CAMTA1: variants seen among roughly 807,000 people sequenced by gnomAD.
CAMTA1 encodes the protein calmodulin-binding transcription activator 1.
A neutral mutation model predicts 170.9 loss-of-function variants in CAMTA1; 27 were observed. That is an observed-to-expected ratio of 0.16 (90% CI 0.12 to 0.22). The LOEUF (loss-of-function observed/expected upper bound fraction) is 0.22. Among genes scored for constraint, CAMTA1 ranks in the 10% least tolerant of loss-of-function variants. The pLI is 1.00. For missense variants in CAMTA1, 1,619 were observed against 2,217.2 expected, an observed-to-expected ratio of 0.73 and a Z score of 5.42; for synonymous variants, 833 against 891.5, an observed-to-expected ratio of 0.93 and a Z score of 1.17.
In CAMTA1 at chr1:7,482,508, T is replaced by G. The variant is rs1375146857; in HGVS notation, c.510+14607T>G. The stretch of plus-strand genomic sequence containing the variant: ...GTGTCCCCACCTCCCTCCATCCTCC[T>G]GAAGAGGGAGAAGACATGCTCTTTA... On this transcript the variant is annotated intron_variant, in intron 6 of 22. Transcript: ENST00000303635. The surrounding 1 kb of genome is among the most constrained non-coding windows in gnomAD (Gnocchi z 4.2). Among the ~76,000 whole-genome samples the G allele has an allele frequency of 6.6e-6, 1 of 152,148 alleles. No individual in the cohort carries two copies. The highest frequency in any genetic ancestry group is 1.5e-5 in the Non-Finnish European group (1 of 68,028).
chr1:7,699,417 CATG>C (rs1288912407), intron 11 of CAMTA1, among the ~76,000 whole-genome samples: 6 of 152,172 alleles, frequency 3.9e-5, no homozygotes, highest in African/African-American at 1.4e-4. Context: ...TTGCACTTAG[CATG>C]ATGTTTTTAA....
At chr1:7,496,500 A>G (rs1044414904) in intron 6 of CAMTA1, among the ~76,000 whole-genome samples, 3 of 152,292 alleles carry the variant, frequency 2.0e-5, no homozygotes, top group African/African-American at 7.2e-5. Flanking sequence ...CCTGCAGCAG[A>G]CAGGGCGGAC....
rs149883773 is a variant in CAMTA1, at chr1:6,887,930, C to T, written c.234+62720C>T. On this transcript the variant is annotated intron_variant, in intron 3 of 22. Transcript: ENST00000303635. This position sits in a 1 kb window ranked among gnomAD's most constrained non-coding sequence, Gnocchi z 4.1. ...AGTTATTACGAAGGAGCTCCGCAGC[C>T]TGACTGAGCTCTGGAGAGCAGGGCT... 85 of 1,327,270 alleles carry T rather than the reference C, an allele frequency of 6.4e-5. 1 individual carries two copies. In the East Asian group the frequency reaches 2.4e-3, roughly 38 times the overall value. The allele number at this position is 1,327,270 out of a possible 1,614,324, so 82.2% of individuals were successfully genotyped here.
intron 5 of CAMTA1, among the ~76,000 whole-genome samples, chr1:7,344,825 GC>G (rs2149835703): frequency 6.7e-6 from 1 of 150,010 alleles, no homozygotes; most frequent in African/African-American, 2.5e-5. Flanking sequence ...TTGGCTCACT[GC>G]AAGCTCTGCC....
intron 7 of CAMTA1, among the ~76,000 whole-genome samples, chr1:7,655,372 CTA>C (rs1281567398): frequency 1.4e-5 from 2 of 147,396 alleles, no homozygotes; most frequent in African/African-American, 5.1e-5. Context: ...ACACACCCAC[CTA>C]TACACACACA....
rs942981682 is a variant in CAMTA1 at position 6,860,747 on chromosome 1, C to T, written c.234+35537C>T. 4.6e-5 allele frequency among the ~76,000 whole-genome samples: 7 copies of T among 152,042 alleles called. No homozygotes were observed. The South Asian group carries it at 1.0e-3, about 23-fold the overall frequency. ...CCAACATGGTGAAACCCCATCTCTA[C>T]TAAAAATACAAAAAATTAGCCTGGC... is the stretch of plus-strand genomic sequence containing the variant. On this transcript the variant is annotated intron_variant, in intron 3 of 22. Coordinates refer to ENST00000303635, the MANE Select transcript of CAMTA1 (RefSeq NM_015215.4).
In CAMTA1 at chr1:7,371,579, G is replaced by A. The variant is rs966698821; in HGVS notation, c.439-96251G>A. On this transcript the variant is annotated intron_variant, in intron 5 of 22. Coordinates refer to ENST00000303635, the MANE Select transcript of CAMTA1 (RefSeq NM_015215.4). ...CCAGCCACACTCCATGTTTTCTATC[G>A]CCCTGTCTGTATTTCAGAGTTTCCT... is the stretch of plus-strand genomic sequence containing the variant. Among the ~76,000 whole-genome samples the A allele has an allele frequency of 5.9e-5, 9 of 152,088 alleles. No homozygotes were observed. In the South Asian group the frequency reaches 8.3e-4, roughly 14 times the overall value.
At chr1:7,651,990 AAGAC>A (rs1243850511) in intron 7 of CAMTA1, among the ~76,000 whole-genome samples, 1 of 152,160 alleles carries the variant, frequency 6.6e-6, no homozygotes, top group Non-Finnish European at 1.5e-5. Context: ...TCAGGAATGA[AAGAC>A]AGCCAAGACG....
chr1:6,829,535 A>G (rs538759282), intron 3 of CAMTA1, among the ~76,000 whole-genome samples: 3 of 152,332 alleles, frequency 2.0e-5, no homozygotes, highest in African/African-American at 4.8e-5. Context: ...TGCACTAATT[A>G]TGGAAGCCAG....
chr1:7,009,600 C>T (rs571631285), intron 3 of CAMTA1, among the ~76,000 whole-genome samples: 3 of 152,350 alleles, frequency 2.0e-5, no homozygotes, highest in African/African-American at 4.8e-5. Context: ...AAGGGGCAAG[C>T]ATCACACTGC....
intron 11 of CAMTA1, among the ~76,000 whole-genome samples, chr1:7,683,454 C>T (rs760089595): frequency 6.6e-6 from 1 of 152,102 alleles, no homozygotes; most frequent in Non-Finnish European, 1.5e-5. Flanking sequence ...GAAGCCCCCA[C>T]CTACCCTCTC....
At chr1:6,837,274 C>A (rs1434555083) in intron 3 of CAMTA1, among the ~76,000 whole-genome samples, 1 of 151,982 alleles carries the variant, frequency 6.6e-6, no homozygotes, top group Non-Finnish European at 1.5e-5. Flanking sequence ...CTTTTAAGAT[C>A]GCTGTAGGAA....
chr1:7,010,850 C>T lies in CAMTA1; in HGVS notation c.235-80454C>T, dbSNP rs942877012. 9.2e-5 allele frequency among the ~76,000 whole-genome samples: 14 copies of T among 152,268 alleles called. No individual in the cohort carries two copies. Among genetic ancestry groups the T allele is most frequent in the Middle Eastern group, 3.4e-3 (1 of 294 alleles). Reference sequence around the variant, plus strand: ...GCAGAACCCTCTGGAGTGGAGCAAGCGATGGGAAATGCTCTTATCAGGCAC... The same window carrying T: ...GCAGAACCCTCTGGAGTGGAGCAAGTGATGGGAAATGCTCTTATCAGGCAC... On this transcript the variant is annotated intron_variant, in intron 3 of 22. Coordinates refer to ENST00000303635, the MANE Select transcript of CAMTA1 (RefSeq NM_015215.4). The surrounding 1 kb of genome is among the most constrained non-coding windows in gnomAD (Gnocchi z 4.4).
intron 2 of CAMTA1, among the ~76,000 whole-genome samples, chr1:6,820,885 C>T (rs916226076): frequency 6.6e-6 from 1 of 152,142 alleles, no homozygotes; most frequent in African/African-American, 2.4e-5. Flanking sequence ...TCCCAAAACC[C>T]AAATTGAAGT....
intron 11 of CAMTA1, among the ~76,000 whole-genome samples, chr1:7,690,745 CCT>C (rs2096301409): frequency 6.6e-6 from 1 of 152,230 alleles, no homozygotes; most frequent in Non-Finnish European, 1.5e-5. Context: ...CCGTGAGGCC[CCT>C]GTTCCACAGA....
In CAMTA1 at chr1:7,591,669, A is replaced by C. The variant is rs535717338; in HGVS notation, c.511-48731A>C. Among the ~76,000 whole-genome samples, 23 of 152,312 alleles carry C rather than the reference A, an allele frequency of 1.5e-4. 1 individual carries two copies. The highest frequency in any genetic ancestry group is 5.5e-4 in the African/African-American group (23 of 41,558). On this transcript the variant is annotated intron_variant, in intron 6 of 22. Transcript: ENST00000303635. ...ACTCCTGTTCTCAGGGTGAAATCCAAGTTACCACTCTGGCCAGAATGCGCC... is the reference window on the plus strand; with the variant it reads ...ACTCCTGTTCTCAGGGTGAAATCCACGTTACCACTCTGGCCAGAATGCGCC...
At chr1:7,153,070 G>A (rs1379853580) in intron 4 of CAMTA1, among the ~76,000 whole-genome samples, 1 of 152,194 alleles carries the variant, frequency 6.6e-6, no homozygotes, top group Non-Finnish European at 1.5e-5. Context: ...AAGTTAGGTG[G>A]GATGCGAGGA....
intron 6 of CAMTA1, among the ~76,000 whole-genome samples, chr1:7,602,462 T>C (rs1557987203): frequency 6.6e-6 from 1 of 152,212 alleles, no homozygotes; most frequent in Non-Finnish European, 1.5e-5. Flanking sequence ...TACAGTATTC[T>C]CTGATGGTAG....
At chr1:7,691,396 G>A (rs529949282) in intron 11 of CAMTA1, among the ~76,000 whole-genome samples, 83 of 152,304 alleles carry the variant, frequency 5.4e-4, no homozygotes, top group African/African-American at 1.8e-3. Context: ...CTGAGGGCTC[G>A]AGAGGCAGGG....
Sources: gnomAD v4.1 joint callset for allele counts (sites outside exome capture counted in the v4.1 genomes callset) on GRCh38, gnomAD v4.1.1 for gene constraint, Gnocchi (gnomAD v3.1) non-coding constraint, MANE v1.5 for transcripts, NCBI Gene and HGNC (gene_info 2026-07-23, HGNC 2026-07-21) for gene names.